Variants in OARD1 observed in about 807,000 individuals in gnomAD.
The protein encoded by OARD1 is ADP-ribose glycohydrolase OARD1.
OARD1 carries 19 observed loss-of-function variants against 19.7 expected under a neutral mutation model. The observed-to-expected ratio is 0.96, with a 90% CI of 0.67 to 1.41. The LOEUF (loss-of-function observed/expected upper bound fraction) is 1.41, where lower values mean the gene tolerates loss of function less well. Ranked by LOEUF, OARD1 falls within the 40% of genes most tolerant of loss-of-function variation. The pLI, the probability that OARD1 is intolerant of heterozygous loss-of-function variation, is 0.00. For missense variants in OARD1, 190 were observed against 183.8 expected (o/e 1.03, Z -0.20); for synonymous variants, 70 against 61.8 (o/e 1.13, Z -0.62).
intron 1 of OARD1, among the ~76,000 whole-genome samples, chr6:41,086,711 T>C (rs1235480080): frequency 6.6e-6 from 1 of 152,166 alleles, no homozygotes; most frequent in East Asian, 1.9e-4. Context: ...AGAAAGATAC[T>C]GGAACCAGAG....
chr6:41,071,175 G>A lies in OARD1; in HGVS notation c.141C>T (p.Leu47=). 1 of 1,614,204 alleles carries A rather than the reference G, an allele frequency of 6.2e-7. No homozygotes were observed. ...DCRMGAGIAV[L]FKKKFGGVQE... is the part of the protein sequence containing the mutation. ...GCACCCCTCCAAATTTCTTCTTAAA[G>A]AGGACAGCTATCCCAGCGCCCATGC... Residue 47 remains leucine (L), a synonymous_variant, in exon 3 of 6, where the codon CTC becomes CTT. Coordinates refer to ENST00000424266, the MANE Select transcript of OARD1 (RefSeq NM_001329686.2).
At chr6:41,091,742 T>C (rs1333943698) in intron 1 of OARD1, 2 of 1,590,738 alleles carry the variant, frequency 1.3e-6, no homozygotes, top group Non-Finnish European at 8.6e-7. Context: ...TTCTTGAACA[T>C]GCAACTTGAT....
Position 41,068,937 on chromosome 6 carries a change from G to T in OARD1, c.260C>A (p.Ala87Asp). ...YIYYLITKKR[A>D]SHKPTYENLQ... The stretch of plus-strand genomic sequence containing the variant: ...GTTTTCATAAGTTGGCTTGTGCGAA[G>T]CCCTTTTCTTTGTAATCTGAACACA... The change falls in exon 5 of 6, where the codon GCT becomes GAT. Residue 87 changes from alanine to aspartate, a missense_variant. Coordinates refer to ENST00000424266, the MANE Select transcript of OARD1 (RefSeq NM_001329686.2). 6.2e-7 allele frequency: 1 copy of T among 1,600,174 alleles called. No individual in the cohort carries two copies. Among genetic ancestry groups the T allele is most frequent in the Non-Finnish European group, 8.5e-7 (1 of 1,171,994 alleles).
chr6:41,073,274 G>C (rs929970179), upstream of OARD1, among the ~76,000 whole-genome samples: 2 of 151,632 alleles, frequency 1.3e-5, no homozygotes, highest in African/African-American at 4.8e-5. Context: ...TCCCGGCCGA[G>C]GCCTGCAGGG....
At chr6:41,069,676 C>T in intron 4 of OARD1, 1 of 236,284 alleles carries the variant, frequency 4.2e-6, no homozygotes. Context: ...TTTTATTCAC[C>T]CCCTTGCTAT....
chr6:41,095,948 T>A (rs1764345487), intron 1 of OARD1, among the ~76,000 whole-genome samples: 1 of 152,240 alleles, frequency 6.6e-6, no homozygotes, highest in African/African-American at 2.4e-5. Context: ...GTTTCTTGAA[T>A]TAATAGATTC....
intron 1 of OARD1, chr6:41,089,858 G>T: frequency 1.8e-6 from 2 of 1,112,176 alleles, no homozygotes; most frequent in Non-Finnish European, 2.5e-6. Context: ...GGTGGCTCAT[G>T]CCTGTAATCC....
intron 1 of OARD1, among the ~76,000 whole-genome samples, chr6:41,079,916 G>A (rs568085501): frequency 4.6e-5 from 7 of 152,084 alleles, no homozygotes; most frequent in East Asian, 1.9e-4. Flanking sequence ...AGTTTTTCCC[G>A]TCTAATGATC....
chr6:41,092,885 A>AT, intron 1 of OARD1: 1 of 1,601,128 alleles, frequency 6.2e-7, no homozygotes, highest in Non-Finnish European at 8.5e-7. Context: ...CATGCCACCA[A>AT]TAAGCTCTGG....
chr6:41,096,700 G>T (rs1000128522), intron 1 of OARD1, among the ~76,000 whole-genome samples: 2 of 152,192 alleles, frequency 1.3e-5, no homozygotes, highest in South Asian at 2.1e-4. Context: ...TTCTTGCGGA[G>T]TGTTGCAAAA....
intron 4 of OARD1, chr6:41,069,576 G>T: frequency 5.6e-6 from 1 of 178,378 alleles, no homozygotes; most frequent in Non-Finnish European, 1.2e-5. Context: ...GGGACCAAAT[G>T]CCATCCTGGA....
At chr6:41,074,366 A>G (rs1043260889), upstream of OARD1, among the ~76,000 whole-genome samples, 6 of 152,232 alleles carry the variant, frequency 3.9e-5, no homozygotes, top group African/African-American at 1.2e-4. Flanking sequence ...GTAGAGGTCA[A>G]TAAGAACTGT....
chr6:41,085,232 A>G (rs1019293122), intron 1 of OARD1, among the ~76,000 whole-genome samples: 1 of 152,218 alleles, frequency 6.6e-6, no homozygotes, highest in Non-Finnish European at 1.5e-5. Context: ...GTCCTATAGG[A>G]AGAAAAGCAT....
At chr6:41,097,106 C>T (rs1764379169) in intron 1 of OARD1, among the ~76,000 whole-genome samples, 1 of 152,194 alleles carries the variant, frequency 6.6e-6, no homozygotes, top group African/African-American at 2.4e-5. Context: ...AAGAGATACA[C>T]TAACAGCCCT....
chr6:41,071,516 TTTAA>T, intron 2 of OARD1, 76 bp downstream of exon 2: 3 of 1,251,968 alleles, frequency 2.4e-6, no homozygotes, highest in Non-Finnish European at 3.5e-6. Context: ...CAATCATTAA[TTTAA>T]TTAAAAAGTG....
intron 1 of OARD1, chr6:41,094,589 C>T: frequency 2.3e-6 from 2 of 874,650 alleles, no homozygotes; most frequent in Admixed American, 2.1e-5. Context: ...TATTTTCCTA[C>T]TCTGGGACTA....
At chr6:41,094,988 TCTAA>T (rs985685102) in intron 1 of OARD1, among the ~76,000 whole-genome samples, 56 of 152,344 alleles carry the variant, frequency 3.7e-4, no homozygotes, top group African/African-American at 1.3e-3. Context: ...TTTTTTCCCT[TCTAA>T]CTGATGTGAG....
intron 1 of OARD1, among the ~76,000 whole-genome samples, chr6:41,085,247 AG>A (rs1764013841): frequency 6.6e-6 from 1 of 152,222 alleles, no homozygotes; most frequent in Non-Finnish European, 1.5e-5. Flanking sequence ...AAGCATCAAT[AG>A]TAGGGGGAAA....
At position 41,067,406 on chromosome 6, in the gene OARD1, C is replaced by T; in HGVS notation, c.388G>A (p.Glu130Lys). The T allele has an allele frequency of 1.9e-6, 3 of 1,613,600 alleles. No individual in the cohort carries two copies. Among genetic ancestry groups the T allele is most frequent in the Non-Finnish European group, 2.5e-6 (3 of 1,179,554 alleles). The change falls in exon 6 of 6, where the codon GAA (glutamate) becomes AAA (lysine). Residue 130 changes from glutamate to lysine, a missense_variant. Transcript: ENST00000424266. ...IGCGLDRLQWENVSAMIEEVF... is the reference protein window; with the variant it reads ...IGCGLDRLQWKNVSAMIEEVF... ...TCCTCGATCATCGCAGATACATTTT[C>T]CCATTGCAGACGATCAAGACCACAT...
Sources: allele counts gnomAD v4.1 joint callset (sites outside exome capture counted in the v4.1 genomes callset), GRCh38; gene constraint gnomAD v4.1.1; transcripts MANE v1.5; gene names NCBI Gene and HGNC (gene_info 2026-07-23, HGNC 2026-07-21).